The following DLEC1 variants were observed in gnomAD, a reference collection of about 807,000 sequenced individuals.
DLEC1 encodes the protein deleted in lung and esophageal cancer protein 1.
Under a neutral mutation model 198.1 loss-of-function variants are expected in DLEC1, and 146 were observed. The ratio of observed to expected loss-of-function variants is 0.74; its 90% confidence interval spans 0.64 to 0.85. The LOEUF (loss-of-function observed/expected upper bound fraction) is 0.85. DLEC1 is among the 40% of genes least tolerant of loss of function. The probability of loss-of-function intolerance (pLI) is 0.00; values close to 1 mark genes in which losing one functional copy is unlikely to be tolerated. For missense variants in DLEC1, 2,233 were observed against 2,220.0 expected (o/e 1.01, Z -0.12); for synonymous variants, 897 against 866.8 (o/e 1.03, Z -0.61).
At chr3:38,076,359 G>C (rs1348984917) in intron 6 of DLEC1, among the ~76,000 whole-genome samples, 2 of 152,178 alleles carry the variant, frequency 1.3e-5, no homozygotes, top group Non-Finnish European at 1.5e-5. Flanking sequence ...TATTTCACCT[G>C]GGTACAAGTG....
At chr3:38,057,336 C>T (rs2125601378) in intron 2 of DLEC1, among the ~76,000 whole-genome samples, 1 of 152,268 alleles carries the variant, frequency 6.6e-6, no homozygotes, top group South Asian at 2.1e-4. Context: ...ACTAAAAATA[C>T]AAAACATTAG....
At chr3:38,066,282 A>G (rs1261381147) in intron 6 of DLEC1, among the ~76,000 whole-genome samples, 7 of 152,230 alleles carry the variant, frequency 4.6e-5, no homozygotes, top group African/African-American at 7.2e-5. Context: ...AGGGCTTACA[A>G]AATGGTAATT....
At chr3:38,044,350 G>A (rs542587036) in intron 1 of DLEC1, among the ~76,000 whole-genome samples, 10 of 152,224 alleles carry the variant, frequency 6.6e-5, no homozygotes, top group African/African-American at 2.4e-4. Context: ...TCTGAGGTCA[G>A]GAGTTCAAGA....
chr3:38,110,260 G>A lies in DLEC1; in HGVS notation c.3422G>A (p.Ser1141Asn), dbSNP rs760449318. 4 of 1,614,058 alleles carry A rather than the reference G, an allele frequency of 2.5e-6. No individual in the cohort carries two copies. In the South Asian group the frequency reaches 4.4e-5, roughly 18 times the overall value. The change falls in exon 23 of 37, where the codon AGC becomes AAC. Residue 1141 changes from serine to asparagine, a missense_variant. By Grantham distance (46) the Ser-to-Asn change is conservative. Coordinates refer to ENST00000308059, the MANE Select transcript of DLEC1 (RefSeq NM_007335.4). Reference protein sequence around the residue: ...KFEYFGSPQNSLSKKTSLPNM... With the variant: ...KFEYFGSPQNNLSKKTSLPNM... ...GAGTATTTCGGGAGCCCCCAAAACAGCCTGAGCAAAAAGACCAGCCTGTAA... is the reference window on the plus strand; with the variant it reads ...GAGTATTTCGGGAGCCCCCAAAACAACCTGAGCAAAAAGACCAGCCTGTAA...
At chr3:38,050,947 T>TTG (rs386396380) in intron 2 of DLEC1, among the ~76,000 whole-genome samples, 1 of 151,808 alleles carries the variant, frequency 6.6e-6, no homozygotes, top group Non-Finnish European at 1.5e-5. Flanking sequence ...TCTCTTTTTT[T>TTG]TTTTTGCTGG....
chr3:38,112,072 A>AG lies in DLEC1; in HGVS notation c.3515-136dup, dbSNP rs1699913718. The AG allele has an allele frequency of 7.4e-7, 1 of 1,351,876 alleles. No homozygotes were observed. The highest frequency in any genetic ancestry group is 1.4e-5 in the African/African-American group (1 of 69,098). The allele number at this position is 1,351,876 out of a possible 1,614,324, so 83.7% of individuals were successfully genotyped here. A position where few individuals can be genotyped will look rare whatever the true frequency, so the allele number is the denominator to read the frequency against. ...TGCCTCTGGATTCCAGGCTCCCAGG[A>AG]GGAGGGCACATGTAGCCTGACCAAG... On this transcript the variant is annotated intron_variant, in intron 24 of 36. Transcript: ENST00000308059. The surrounding 1 kb of genome is among the most constrained non-coding windows in gnomAD (Gnocchi z 4.8).
At chr3:38,111,987 C>T (rs561383771) in intron 24 of DLEC1, among the ~76,000 whole-genome samples, 3 of 152,164 alleles carry the variant, frequency 2.0e-5, no homozygotes, top group Non-Finnish European at 2.9e-5. Context: ...GGGAGGGCTC[C>T]CATGGGGACC....
intron 6 of DLEC1, among the ~76,000 whole-genome samples, chr3:38,080,761 GAA>G (rs1395169927): frequency 2.7e-5 from 4 of 150,576 alleles, no homozygotes; most frequent in Non-Finnish European, 5.9e-5. Context: ...AACACAGAGA[GAA>G]GAGAGCGTAG....
chr3:38,076,387 G>A (rs2125645543), intron 6 of DLEC1, among the ~76,000 whole-genome samples: 1 of 152,298 alleles, frequency 6.6e-6, no homozygotes, highest in East Asian at 1.9e-4. Flanking sequence ...TCTGAAAAGA[G>A]AGTCAGTGAA....
intron 15 of DLEC1, among the ~76,000 whole-genome samples, 161 bp from the exon 16 acceptor site, chr3:38,097,021 G>C (rs1204837271): frequency 1.3e-5 from 2 of 152,130 alleles, no homozygotes. Context: ...TGGAGGGAGG[G>C]TGCTTTTGGG....
Position 38,062,806 on chromosome 3 carries a change from G to A in DLEC1, c.1094+5G>A, listed in dbSNP as rs753757168. 12 of 1,612,860 alleles carry A rather than the reference G, an allele frequency of 7.4e-6. No individual in the cohort carries two copies. The highest frequency in any genetic ancestry group is 6.8e-6 in the Non-Finnish European group (8 of 1,179,610). On this transcript the variant is annotated splice_donor_5th_base_variant and intron_variant, in intron 5 of 36. Transcript: ENST00000308059. ...GAGTACAGAGCCAGAACAGAGGTATGTCTTTCTCTGGCTTGAACTCTCAGA... is the reference window on the plus strand; with the variant it reads ...GAGTACAGAGCCAGAACAGAGGTATATCTTTCTCTGGCTTGAACTCTCAGA...
intron 6 of DLEC1, among the ~76,000 whole-genome samples, chr3:38,080,173 T>G (rs1444303135): frequency 1.3e-5 from 2 of 152,134 alleles, no homozygotes; most frequent in Non-Finnish European, 2.9e-5. Flanking sequence ...CAGCCACCTT[T>G]TTAAGAGTAA....
Position 38,095,942 on chromosome 3 carries a change from G to A in DLEC1, c.2167G>A (p.Val723Ile). 1 of 1,613,688 alleles carries A rather than the reference G, an allele frequency of 6.2e-7. No individual in the cohort carries two copies. The highest frequency in any genetic ancestry group is 2.2e-5 in the East Asian group (1 of 44,886). The change falls in exon 14 of 37, where the codon GTA becomes ATA. Residue 723 changes from valine to isoleucine, a missense_variant. Transcript: ENST00000308059. Reference sequence around the variant, plus strand: ...GGTGCTAGAGGAAGTCCCAGAGCCTGTAAGGTGAGAGAAACTGGGCCCTGG... The same window carrying A: ...GGTGCTAGAGGAAGTCCCAGAGCCTATAAGGTGAGAGAAACTGGGCCCTGG... ...QMVLEEVPEP[V>I]SSEAESLGHS...
rs57610638 is a variant in DLEC1, at chr3:38,056,062, TACACACACACACACACAC to T, written c.563-3642_563-3625del. ...GGTGAAATCTGATCTCTACAAAAAA[TACACACACACACACACAC>T]ACACACACACACACACACACACACA... On this transcript the variant is annotated intron_variant, in intron 2 of 36. Transcript: ENST00000308059. 8.0e-3 allele frequency among the ~76,000 whole-genome samples: 965 copies of T among 120,516 alleles called. 3 individuals are homozygous for T. The highest frequency in any genetic ancestry group is 0.014 in the African/African-American group (413 of 29,778). The allele number at this position is 120,516 out of a possible 152,430, so 79.1% of individuals were successfully genotyped here.
Position 38,039,613 on chromosome 3 carries a change from G to C in DLEC1, c.388G>C (p.Glu130Gln), listed in dbSNP as rs1476235340. Reference sequence around the variant, plus strand: ...CGGCAGCGAGAATGAGCGCCACGAGGAGTTCGTGGACCAGCTGCAGCAGGT... The same window carrying C: ...CGGCAGCGAGAATGAGCGCCACGAGCAGTTCGTGGACCAGCTGCAGCAGGT... ...ARGSENERHE[E>Q]FVDQLQQIRE... The change falls in exon 1 of 37, where the codon GAG (glutamate) becomes CAG (glutamine). Residue 130 changes from glutamate to glutamine, a missense_variant. Physicochemically the swap from Glu to Gln is conservative, Grantham distance 29 (BLOSUM62 2). Transcript: ENST00000308059. The C allele has an allele frequency of 1.2e-6, 2 of 1,608,438 alleles. No homozygotes were observed. Among genetic ancestry groups the C allele is most frequent in the South Asian group, 2.2e-5 (2 of 90,906 alleles).
At chr3:38,100,460 C>G (rs201666401) in intron 19 of DLEC1, 35 bp downstream of exon 19, 5 of 1,583,044 alleles carry the variant, frequency 3.2e-6, no homozygotes, top group Non-Finnish European at 4.3e-6. Flanking sequence ...CTACAACAAA[C>G]TATGCATATT....
At chr3:38,079,260 T>C (rs1697819170) in intron 6 of DLEC1, among the ~76,000 whole-genome samples, 1 of 152,094 alleles carries the variant, frequency 6.6e-6, no homozygotes, top group African/African-American at 2.4e-5. Flanking sequence ...ATAAGGGAAC[T>C]GGGCAGGTGG....
intron 3 of DLEC1, 49 bp downstream of exon 3, chr3:38,059,901 C>T (rs1696591092): frequency 1.3e-6 from 2 of 1,531,832 alleles, no homozygotes; most frequent in Non-Finnish European, 1.8e-6. Context: ...GGGGGAAGTT[C>T]AGTAGGGCCA....
chr3:38,110,245 G>A lies in DLEC1; in HGVS notation c.3407G>A (p.Gly1136Glu). 1 of 1,614,108 alleles carries A rather than the reference G, an allele frequency of 6.2e-7. No individual in the cohort carries two copies. The change falls in exon 23 of 37, where the codon GGG (glycine) becomes GAG (glutamate). Residue 1136 changes from glycine (G) to glutamate (E), a missense_variant. Transcript: ENST00000308059. ...TTCTCCCTCAAGTTTGAGTATTTCG[G>A]GAGCCCCCAAAACAGCCTGAGCAAA... ...TRFSLKFEYF[G>E]SPQNSLSKKT...
Sources: gnomAD v4.1 joint callset for allele counts (sites outside exome capture counted in the v4.1 genomes callset) on GRCh38, gnomAD v4.1.1 for gene constraint, Gnocchi (gnomAD v3.1) non-coding constraint, MANE v1.5 for transcripts, NCBI Gene and HGNC (gene_info 2026-07-23, HGNC 2026-07-21) for gene names.